Variants in CACNA2D3 observed in about 807,000 individuals in gnomAD.
CACNA2D3 encodes the protein calcium voltage-gated channel auxiliary subunit alpha2delta 3, also known as voltage-dependent calcium channel subunit alpha-2/delta-3.
Under a neutral mutation model 160.6 loss-of-function variants are expected in CACNA2D3, and 60 were observed. That is an observed-to-expected ratio of 0.37 (90% CI 0.30 to 0.46). The LOEUF (loss-of-function observed/expected upper bound fraction) is 0.46. Among genes scored for constraint, CACNA2D3 ranks in the 20% least tolerant of loss-of-function variants. CACNA2D3 has a pLI of 1.00. For missense variants in CACNA2D3, 1,205 were observed against 1,365.0 expected, an observed-to-expected ratio of 0.88 and a Z score of 1.85; for synonymous variants, 558 against 492.9, an observed-to-expected ratio of 1.13 and a Z score of -1.75.
At chr3:54,913,493 G>A (rs1700599411) in intron 27 of CACNA2D3, among the ~76,000 whole-genome samples, 1 of 152,146 alleles carries the variant, frequency 6.6e-6, no homozygotes, top group African/African-American at 2.4e-5. Flanking sequence ...AAGAGAGTAT[G>A]ACTGAGTTTC....
intron 35 of CACNA2D3, among the ~76,000 whole-genome samples, chr3:55,034,476 C>T (rs960509203): frequency 5.3e-5 from 8 of 151,792 alleles, no homozygotes; most frequent in Non-Finnish European, 2.9e-5. Flanking sequence ...AACCATTTTT[C>T]CTATATATTG....
intron 11 of CACNA2D3, among the ~76,000 whole-genome samples, chr3:54,732,172 T>C (rs1701402006): frequency 6.6e-6 from 1 of 152,254 alleles, no homozygotes; most frequent in African/African-American, 2.4e-5. Context: ...TTGAGCCTGA[T>C]ATATTTGATG....
intron 5 of CACNA2D3, among the ~76,000 whole-genome samples, chr3:54,527,308 A>C (rs542425177): frequency 1.2e-4 from 19 of 152,308 alleles, no homozygotes; most frequent in African/African-American, 4.3e-4. Context: ...AACTGAAGTC[A>C]GTTCATTTGG....
At chr3:54,151,312 G>C (rs1234362729) in intron 2 of CACNA2D3, among the ~76,000 whole-genome samples, 1 of 152,094 alleles carries the variant, frequency 6.6e-6, no homozygotes, top group Non-Finnish European at 1.5e-5. Context: ...ATGGATGGAT[G>C]GGTGAATGGA....
At chr3:54,931,372 T>A (rs979995064) in intron 27 of CACNA2D3, among the ~76,000 whole-genome samples, 1 of 152,214 alleles carries the variant, frequency 6.6e-6, no homozygotes, top group Non-Finnish European at 1.5e-5. Context: ...GGAGGCTGAT[T>A]GATTTATTCC....
chr3:54,775,019 A>G (rs1465566271), intron 13 of CACNA2D3, among the ~76,000 whole-genome samples: 1 of 152,194 alleles, frequency 6.6e-6, no homozygotes, highest in East Asian at 1.9e-4. Flanking sequence ...TTTGGTATCT[A>G]ACATAATGTT....
intron 13 of CACNA2D3, among the ~76,000 whole-genome samples, chr3:54,802,086 G>T (rs983366628): frequency 4.6e-5 from 7 of 152,230 alleles, no homozygotes; most frequent in Middle Eastern, 3.4e-3. Flanking sequence ...CCCCTGCAGG[G>T]TTATCTCTCT....
chr3:54,894,655 C>T (rs1445782675), intron 25 of CACNA2D3: 1 of 510,878 alleles, frequency 2.0e-6, no homozygotes, highest in Non-Finnish European at 3.9e-6. Context: ...GTGGCTGCAC[C>T]TGTGACCCAG....
intron 4 of CACNA2D3, among the ~76,000 whole-genome samples, chr3:54,474,588 A>G (rs1700795679): frequency 6.6e-6 from 1 of 152,094 alleles, no homozygotes; most frequent in Non-Finnish European, 1.5e-5. Context: ...CTGGCATGCA[A>G]GTACTTAGCA....
At position 54,881,470 on chromosome 3, in the gene CACNA2D3, A is replaced by G. The variant is rs543081015; in HGVS notation, c.1912+607A>G. On this transcript the variant is annotated intron_variant, in intron 21 of 37. Coordinates refer to ENST00000474759, the MANE Select transcript of CACNA2D3 (RefSeq NM_018398.3). ...AAGCACAGAGGCACAGTAAACTCTC[A>G]GTAAACAGGAGCAGTTGTTATAGCT... Among the ~76,000 whole-genome samples the G allele has an allele frequency of 3.3e-5, 5 of 152,358 alleles. No individual in the cohort carries two copies. The East Asian group carries it at 9.6e-4, about 29-fold the overall frequency.
chr3:54,785,745 A>C (rs936464718), intron 13 of CACNA2D3, among the ~76,000 whole-genome samples: 2 of 152,220 alleles, frequency 1.3e-5, no homozygotes, highest in African/African-American at 4.8e-5. Context: ...ACCAAAAGAT[A>C]GTGGCCCAGA....
chr3:54,465,693 A>C (rs1700610845), intron 4 of CACNA2D3, among the ~76,000 whole-genome samples: 1 of 152,244 alleles, frequency 6.6e-6, no homozygotes, highest in Non-Finnish European at 1.5e-5. Context: ...TGGCATTGAA[A>C]GAAATGGCCA....
chr3:55,041,495 A>G (rs1332061582), intron 35 of CACNA2D3, among the ~76,000 whole-genome samples: 4 of 152,232 alleles, frequency 2.6e-5, no homozygotes, highest in African/African-American at 4.8e-5. Context: ...TGTAGTTCCA[A>G]TTTTCATTTA....
At chr3:54,276,817 C>T (rs530749752) in intron 2 of CACNA2D3, among the ~76,000 whole-genome samples, 42 of 152,238 alleles carry the variant, frequency 2.8e-4, no homozygotes, top group Middle Eastern at 3.4e-3. Flanking sequence ...CCAACTGTTG[C>T]GTCTAAACCC....
chr3:54,189,632 A>G (rs926869428), intron 2 of CACNA2D3, among the ~76,000 whole-genome samples: 1 of 152,082 alleles, frequency 6.6e-6, no homozygotes, highest in Admixed American at 6.5e-5. Flanking sequence ...AATTGCTGGG[A>G]TGAGGGGTGC....
intron 2 of CACNA2D3, among the ~76,000 whole-genome samples, chr3:54,220,183 T>A (rs760839666): frequency 5.1e-4 from 78 of 152,196 alleles, no homozygotes; most frequent in Non-Finnish European, 8.2e-4. Context: ...CCTAAGAATG[T>A]GTCTTCCAAC....
intron 11 of CACNA2D3, among the ~76,000 whole-genome samples, chr3:54,717,396 C>A (rs1231345372): frequency 6.6e-6 from 1 of 152,216 alleles, no homozygotes; most frequent in African/African-American, 2.4e-5. Context: ...TAAGAAAATT[C>A]TGCCAAACAC....
chr3:54,503,797 A>G (rs1219417991), intron 5 of CACNA2D3, 143 bp downstream of exon 5: 6 of 687,446 alleles, frequency 8.7e-6, no homozygotes, highest in Admixed American at 2.7e-5. Context: ...TCAGGTATCA[A>G]CTGGATAGGT....
intron 25 of CACNA2D3, chr3:54,894,621 A>G (rs777814528): frequency 1.9e-6 from 1 of 516,088 alleles, no homozygotes; most frequent in South Asian, 1.4e-5. Flanking sequence ...ACCTGCTGGG[A>G]GTGCGAACAC....
Sources: gnomAD v4.1 joint callset for allele counts (sites outside exome capture counted in the v4.1 genomes callset) on GRCh38, gnomAD v4.1.1 for gene constraint, MANE v1.5 for transcripts, NCBI Gene and HGNC (gene_info 2026-07-23, HGNC 2026-07-21) for gene names.